PECR: variants seen among roughly 807,000 people sequenced by gnomAD.
The protein encoded by PECR is peroxisomal trans-2-enoyl-CoA reductase.
Under a neutral mutation model 35.3 loss-of-function variants are expected in PECR, and 30 were observed. That is an observed-to-expected ratio of 0.85 (90% CI 0.64 to 1.15). The LOEUF (loss-of-function observed/expected upper bound fraction) is 1.15, where lower values mean the gene tolerates loss of function less well. Among genes scored for constraint, PECR ranks in the 50% most tolerant of loss-of-function variants. PECR has a pLI of 0.00. For missense variants in PECR, 392 were observed against 370.8 expected, an observed-to-expected ratio of 1.06 and a Z score of -0.47; for synonymous variants, 148 against 138.9, an observed-to-expected ratio of 1.07 and a Z score of -0.46.
intron 4 of PECR, among the ~76,000 whole-genome samples, chr2:216,053,397 C>G (rs1469045521): frequency 6.6e-6 from 1 of 152,034 alleles, no homozygotes; most frequent in Admixed American, 6.6e-5. Flanking sequence ...GCACCCGCCA[C>G]CGTGCCCAGC....
intron 3 of PECR, among the ~76,000 whole-genome samples, chr2:216,061,101 C>T (rs1005595438): frequency 2.2e-5 from 3 of 138,602 alleles, no homozygotes; most frequent in Non-Finnish European, 3.1e-5. Flanking sequence ...AGACCAGCCT[C>T]GGCAACAAGG....
At chr2:216,048,630 A>G (rs1261742286) in intron 6 of PECR, among the ~76,000 whole-genome samples, 1 of 151,828 alleles carries the variant, frequency 6.6e-6, no homozygotes, top group Non-Finnish European at 1.5e-5. Flanking sequence ...GAATTGCTTG[A>G]ACCCAGGAGG....
chr2:216,059,123 C>T, intron 3 of PECR, 147 bp from the exon 4 acceptor site: 3 of 679,026 alleles, frequency 4.4e-6, no homozygotes, highest in Admixed American at 2.3e-5. Flanking sequence ...AAAATTTATA[C>T]ATCATAAAAT....
chr2:216,042,994 T>A (rs1198080608), intron 7 of PECR, among the ~76,000 whole-genome samples: 1 of 136,646 alleles, frequency 7.3e-6, no homozygotes, highest in Non-Finnish European at 1.6e-5. Flanking sequence ...TATATATACA[T>A]ACGTATATGT....
intron 7 of PECR, among the ~76,000 whole-genome samples, chr2:216,031,019 A>C (rs1180959039): frequency 6.7e-6 from 1 of 148,460 alleles, no homozygotes; most frequent in Non-Finnish European, 1.5e-5. Context: ...TCTCTCTCTC[A>C]TTTGCTTGCT....
rs1156631976 is a variant in PECR, at chr2:216,079,182, AT to A, written c.124+2435del. ...TTTTTTTTTTTAACTAAAAACATAG[AT>A]TTTTTTTTTTTAGTTCATACTGTGC... On this transcript the variant is annotated intron_variant, in intron 1 of 7. Transcript: ENST00000265322. Among the ~76,000 whole-genome samples, 243 of 137,464 alleles carry A rather than the reference AT, an allele frequency of 1.8e-3. 1 individual carries two copies. The highest frequency in any genetic ancestry group is 7.8e-3 in the South Asian group (33 of 4,248). The allele number at this position is 137,464 out of a possible 152,430, so 90.2% of individuals were successfully genotyped here.
At chr2:216,069,746 A>C (rs1695549584) in intron 1 of PECR, among the ~76,000 whole-genome samples, 1 of 151,956 alleles carries the variant, frequency 6.6e-6, no homozygotes, top group South Asian at 2.1e-4. Context: ...GACCAGCTTG[A>C]CCAACATGGC....
At chr2:216,077,240 C>A (rs974154011) in intron 1 of PECR, among the ~76,000 whole-genome samples, 3 of 151,968 alleles carry the variant, frequency 2.0e-5, no homozygotes, top group Non-Finnish European at 2.9e-5. Context: ...GGTGCCGAGG[C>A]TCACGCCTGT....
intron 1 of PECR, among the ~76,000 whole-genome samples, chr2:216,074,459 G>A (rs934659980): frequency 1.5e-5 from 2 of 135,342 alleles, no homozygotes; most frequent in East Asian, 4.4e-4. Flanking sequence ...AGAAAAGAAA[G>A]AAAAGAAAGA....
chr2:216,051,281 C>CAAAAA (rs147574036), intron 5 of PECR, among the ~76,000 whole-genome samples, 168 bp downstream of exon 5: 17 of 93,164 alleles, frequency 1.8e-4, no homozygotes, highest in East Asian at 6.0e-4. Flanking sequence ...GACTCCATCT[C>CAAAAA]AAAAAAAAAA....
At position 216,066,463 on chromosome 2, in the gene PECR, A is replaced by G. The variant is rs1287703613; in HGVS notation, c.180T>C (p.Asp60=). 1 of 1,613,840 alleles carries G rather than the reference A, an allele frequency of 6.2e-7. No individual in the cohort carries two copies. Among genetic ancestry groups the G allele is most frequent in the Non-Finnish European group, 8.5e-7 (1 of 1,179,702 alleles). ...RKLERLKSAA[D]ELQANLPPTK... is the part of the protein sequence containing the mutation. ...TGGGAGGTAGGTTGGCCTGCAGTTCATCTGCCGCAGACTTCAATCTCTCCA... is the reference window on the plus strand; with the variant it reads ...TGGGAGGTAGGTTGGCCTGCAGTTCGTCTGCCGCAGACTTCAATCTCTCCA... Residue 60 remains aspartate (D), a synonymous_variant, in exon 2 of 8, where the codon GAT becomes GAC. Transcript: ENST00000265322.
chr2:216,081,122 T>A (rs1479806970), intron 1 of PECR, among the ~76,000 whole-genome samples: 3 of 152,256 alleles, frequency 2.0e-5, no homozygotes, highest in Admixed American at 1.3e-4. Flanking sequence ...CCTTTGTGGT[T>A]TATTCCCTCA....
intron 1 of PECR, among the ~76,000 whole-genome samples, chr2:216,080,786 T>G (rs993633924): frequency 6.6e-6 from 1 of 152,248 alleles, no homozygotes; most frequent in Non-Finnish European, 1.5e-5. Context: ...TTGGAACGCT[T>G]AGTCCATACC....
At chr2:216,048,963 C>T (rs1695049887) in intron 6 of PECR, among the ~76,000 whole-genome samples, 1 of 151,298 alleles carries the variant, frequency 6.6e-6, no homozygotes, top group Admixed American at 6.6e-5. Context: ...GTCTAATTTG[C>T]TTAGGGTCCT....
At chr2:216,051,264 C>T (rs913633494) in intron 5 of PECR, among the ~76,000 whole-genome samples, 185 bp downstream of exon 5, 4 of 116,864 alleles carry the variant, frequency 3.4e-5, no homozygotes, top group East Asian at 2.5e-4. Context: ...CCGGCCTGGG[C>T]GACAGAGACT....
At chr2:216,054,398 G>T (rs1218226359) in intron 4 of PECR, among the ~76,000 whole-genome samples, 3 of 135,652 alleles carry the variant, frequency 2.2e-5, no homozygotes, top group Non-Finnish European at 4.6e-5. Context: ...TTTGGAGGGG[G>T]TACAGAGTCT....
chr2:216,078,294 G>T (rs578188655), intron 1 of PECR, among the ~76,000 whole-genome samples: 1 of 151,950 alleles, frequency 6.6e-6, no homozygotes, highest in South Asian at 2.1e-4. Flanking sequence ...TGACAATGTC[G>T]TGGAAATAGC....
chr2:216,038,345 C>G (rs995958016), downstream of PECR: 1 of 152,096 alleles, frequency 6.6e-6, no homozygotes, highest in African/African-American at 2.4e-5. Context: ...AAAGGGAATA[C>G]TTTGGACAGA....
At chr2:216,045,274 T>C (rs1169592980) in intron 6 of PECR, among the ~76,000 whole-genome samples, 2 of 152,204 alleles carry the variant, frequency 1.3e-5, no homozygotes, top group Non-Finnish European at 2.9e-5. Flanking sequence ...AGTACAGTGC[T>C]GCACTATCTA....
Sources: gnomAD v4.1 joint callset for allele counts (sites outside exome capture counted in the v4.1 genomes callset) on GRCh38, gnomAD v4.1.1 for gene constraint, MANE v1.5 for transcripts, NCBI Gene and HGNC (gene_info 2026-07-23, HGNC 2026-07-21) for gene names.